Variants in MIGA1 observed in about 807,000 individuals in gnomAD.
MIGA1 encodes mitoguardin 1, also known as family with sequence similarity 73, member A.
MIGA1 carries 58 observed loss-of-function variants against 82.0 expected under a neutral mutation model. The observed-to-expected ratio is 0.71, with a 90% CI of 0.57 to 0.88. The LOEUF (loss-of-function observed/expected upper bound fraction) is 0.88. MIGA1 is among the 40% of genes least tolerant of loss of function. The pLI, the probability that MIGA1 is intolerant of heterozygous loss-of-function variation, is 0.00. For synonymous variants in MIGA1, 249 were observed against 253.6 expected (o/e 0.98, Z 0.17); for missense variants, 751 against 749.1 (o/e 1.00, Z -0.03).
intron 14 of MIGA1, among the ~76,000 whole-genome samples, chr1:77,870,221 A>ACCC (rs544449676): frequency 2.8e-5 from 1 of 36,302 alleles, no homozygotes; most frequent in African/African-American, 1.0e-4. Context: ...CGGGGGGCTG[A>ACCC]CCCCCCCCCC....
chr1:77,860,132 C>A lies in MIGA1; in HGVS notation c.1275+6C>A. 3 of 1,595,290 alleles carry A rather than the reference C, an allele frequency of 1.9e-6. No homozygotes were observed. In the South Asian group the frequency reaches 3.4e-5, roughly 18 times the overall value. On this transcript the variant is annotated splice_donor_region_variant and intron_variant, in intron 11 of 15. Transcript: ENST00000370791. The stretch of plus-strand genomic sequence containing the variant: ...TAATTGTGAAAGCACGAAAGGTAAA[C>A]TTGTTCTGTTGGCAAGATTTTTACC...
chr1:77,874,035 T>A (rs908114146), intron 15 of MIGA1, among the ~76,000 whole-genome samples: 3 of 152,206 alleles, frequency 2.0e-5, no homozygotes, highest in African/African-American at 7.2e-5. Flanking sequence ...TGATCGCTAA[T>A]GACCCTTTCA....
At chr1:77,779,916 C>T (rs1196717017) in intron 1 of MIGA1, 180 bp downstream of exon 1, 17 of 1,394,436 alleles carry the variant, frequency 1.2e-5, no homozygotes, top group Non-Finnish European at 1.6e-5. Flanking sequence ...CCGTGCCACC[C>T]TGAACACCCC....
At chr1:77,807,519 T>C (rs1417236129) in intron 5 of MIGA1, among the ~76,000 whole-genome samples, 2 of 152,224 alleles carry the variant, frequency 1.3e-5, no homozygotes, top group Non-Finnish European at 2.9e-5. Context: ...TAATTTTAAA[T>C]GTTCTTATAT....
At chr1:77,864,810 T>A (rs1039818412) in intron 13 of MIGA1, among the ~76,000 whole-genome samples, 1 of 152,256 alleles carries the variant, frequency 6.6e-6, no homozygotes, top group Non-Finnish European at 1.5e-5. Flanking sequence ...GATGAAATTC[T>A]CTTTTCAGCT....
chr1:77,871,297 T>C (rs530967693), intron 14 of MIGA1, among the ~76,000 whole-genome samples: 2 of 150,934 alleles, frequency 1.3e-5, no homozygotes, highest in South Asian at 4.2e-4. Flanking sequence ...AGGTCAGGAG[T>C]TCGAGACCAG....
At chr1:77,801,308 A>C in intron 2 of MIGA1, 23 bp from the exon 3 acceptor site, 1 of 1,518,370 alleles carries the variant, frequency 6.6e-7, no homozygotes, top group Non-Finnish European at 8.8e-7. Context: ...GATTTTTTTC[A>C]ATTTTAACTG....
At chr1:77,812,545 G>C (rs1476970682) in intron 5 of MIGA1, among the ~76,000 whole-genome samples, 1 of 152,136 alleles carries the variant, frequency 6.6e-6, no homozygotes, top group East Asian at 1.9e-4. Context: ...CTTGAGAGGA[G>C]AGGTATTTTT....
intron 7 of MIGA1, among the ~76,000 whole-genome samples, chr1:77,826,713 A>G (rs1219938845): frequency 6.6e-6 from 1 of 150,694 alleles, no homozygotes; most frequent in African/African-American, 2.4e-5. Flanking sequence ...GGGCTCAGGC[A>G]GTCCTTCTTC....
chr1:77,823,855 GTTTCTCT>G (rs1557913171), intron 7 of MIGA1, among the ~76,000 whole-genome samples: 10 of 152,184 alleles, frequency 6.6e-5, no homozygotes, highest in Non-Finnish European at 1.3e-4. Context: ...TCTAAACTCT[GTTTCTCT>G]GTTGCCACAT....
At chr1:77,794,534 CAG>C (rs1287167477) in intron 2 of MIGA1, among the ~76,000 whole-genome samples, 8 of 152,264 alleles carry the variant, frequency 5.3e-5, no homozygotes, top group Admixed American at 2.0e-4. Context: ...GTCACAATAT[CAG>C]GGGATACATG....
intron 2 of MIGA1, among the ~76,000 whole-genome samples, chr1:77,797,522 A>T (rs1369108682): frequency 6.6e-6 from 1 of 152,130 alleles, no homozygotes; most frequent in Non-Finnish European, 1.5e-5. Flanking sequence ...CAGTAACTAC[A>T]AAAATTTTTC....
intron 2 of MIGA1, among the ~76,000 whole-genome samples, chr1:77,794,433 T>G (rs1312825658): frequency 6.6e-6 from 1 of 152,210 alleles, no homozygotes; most frequent in Non-Finnish European, 1.5e-5. Context: ...TTTTGAAATA[T>G]ATAGGATAGG....
chr1:77,837,765 T>C (rs1244298841), intron 7 of MIGA1, among the ~76,000 whole-genome samples: 3 of 152,194 alleles, frequency 2.0e-5, no homozygotes, highest in East Asian at 3.8e-4. Context: ...AACCAATCAC[T>C]AAATAGCAAA....
rs1170657797 is a variant in MIGA1, at chr1:77,878,394, CAAAAAAAAAAAAAAAA to C, written c.*3342_*3357del. ...GGGCAACAAGAGTAAAACTCTGTCT[CAAAAAAAAAAAAAAAA>C]AAAAAAAAAAAGACATATGTAACGG... On this transcript the variant is annotated 3_prime_UTR_variant, in exon 16 of 16. Transcript: ENST00000370791. The C allele has an allele frequency of 5.6e-5, 2 of 35,578 alleles. No homozygotes were observed. The highest frequency in any genetic ancestry group is 2.1e-4 in the African/African-American group (2 of 9,312). 2.2% of individuals were successfully genotyped at this position (35,578 alleles called of 1,614,324 possible). A position where few individuals can be genotyped will look rare whatever the true frequency, so the allele number is the denominator to read the frequency against.
At chr1:77,811,848 C>T (rs1027680816) in intron 5 of MIGA1, 161 of 1,467,132 alleles carry the variant, frequency 1.1e-4, no homozygotes, top group Non-Finnish European at 1.4e-4. Context: ...GCGCCATCCT[C>T]CCCCGGCCTG....
chr1:77,863,917 T>C lies in MIGA1; in HGVS notation c.1398T>C (p.Asp466=). The change falls in exon 13 of 16, where the codon GAT becomes GAC. Residue 466 remains aspartate, a synonymous_variant. Transcript: ENST00000370791. ...AGGTGAAAAATCTAAATTTTTATGA[T>C]GTTGTTCTGGATTTTATATTAATGG... is the stretch of plus-strand genomic sequence containing the variant. 1 of 1,572,904 alleles carries C rather than the reference T, an allele frequency of 6.4e-7. No homozygotes were observed. Among genetic ancestry groups the C allele is most frequent in the East Asian group, 2.3e-5 (1 of 43,828 alleles).
At chr1:77,791,603 A>T (rs1383416483) in intron 2 of MIGA1, among the ~76,000 whole-genome samples, 3 of 135,164 alleles carry the variant, frequency 2.2e-5, no homozygotes, top group Non-Finnish European at 4.6e-5. Context: ...TTGCTCTGTC[A>T]CCCAGACTGG....
intron 5 of MIGA1, among the ~76,000 whole-genome samples, chr1:77,808,140 T>C (rs1683177946): frequency 6.6e-6 from 1 of 151,666 alleles, no homozygotes; most frequent in East Asian, 1.9e-4. Context: ...CTTTTTTTTT[T>C]TTTTTTTTAT....
Sources: allele counts gnomAD v4.1 joint callset (sites outside exome capture counted in the v4.1 genomes callset), GRCh38; gene constraint gnomAD v4.1.1; transcripts MANE v1.5; gene names NCBI Gene and HGNC (gene_info 2026-07-23, HGNC 2026-07-21).